PHLPP1: variants seen among roughly 807,000 people sequenced by gnomAD.
The protein encoded by PHLPP1 is PH domain and leucine rich repeat protein phosphatase 1.
In PHLPP1, 42 loss-of-function variants were observed where a neutral mutation model predicts 117.2. The observed-to-expected ratio is 0.36, with a 90% confidence interval of 0.28 to 0.46. The LOEUF (loss-of-function observed/expected upper bound fraction) is 0.46. Among genes scored for constraint, PHLPP1 ranks in the 20% least tolerant of loss-of-function variants. The pLI, the probability that PHLPP1 is intolerant of heterozygous loss-of-function variation, is 1.00. For synonymous variants in PHLPP1, 1,042 were observed against 970.7 expected (o/e 1.07, Z -1.37); for missense variants, 2,084 against 2,241.9 (o/e 0.93, Z 1.42).
Position 62,724,658 on chromosome 18 carries a change from C to G in PHLPP1, c.1576+7399C>G, listed in dbSNP as rs571873132. 3.3e-5 allele frequency among the ~76,000 whole-genome samples: 5 copies of G among 152,200 alleles called. No homozygotes were observed. The East Asian group carries it at 9.7e-4, about 29-fold the overall frequency. On this transcript the variant is annotated intron_variant, in intron 1 of 16. Coordinates refer to ENST00000262719, the MANE Select transcript of PHLPP1 (RefSeq NM_194449.4). ...TCTTTGGTGGTTCTTTATATTAATA[C>G]TATTAAAAATGAAAGTTAAAGAAAT... is the stretch of plus-strand genomic sequence containing the variant.
intron 6 of PHLPP1, 81 bp downstream of exon 6, chr18:62,896,092 A>T: frequency 1.3e-6 from 1 of 791,958 alleles, no homozygotes; most frequent in Non-Finnish European, 2.1e-6. Flanking sequence ...TAACCAAGGC[A>T]AACAAGCTGG....
At chr18:62,886,723 A>C (rs186753697) in intron 4 of PHLPP1, among the ~76,000 whole-genome samples, 8 of 152,356 alleles carry the variant, frequency 5.3e-5, no homozygotes, top group Non-Finnish European at 1.2e-4. Context: ...TGGTATCAGT[A>C]ACTAAAAGCG....
chr18:62,927,437 C>G (rs1159136472), intron 10 of PHLPP1, among the ~76,000 whole-genome samples: 3 of 151,898 alleles, frequency 2.0e-5, no homozygotes, highest in Non-Finnish European at 4.4e-5. Context: ...GACAACATTC[C>G]CAGCAAAATT....
chr18:62,843,244 A>T (rs1368655980), intron 3 of PHLPP1, among the ~76,000 whole-genome samples: 1 of 152,186 alleles, frequency 6.6e-6, no homozygotes, highest in Non-Finnish European at 1.5e-5. Context: ...AAACAAACCA[A>T]CAACAGGAAC....
intron 1 of PHLPP1, among the ~76,000 whole-genome samples, chr18:62,775,721 C>T (rs1172672936): frequency 1.3e-5 from 2 of 152,142 alleles, no homozygotes; most frequent in Non-Finnish European, 2.9e-5. Context: ...ATACAGTAAA[C>T]TGTCATTTGA....
At chr18:62,864,857 C>T (rs2144366196) in intron 4 of PHLPP1, among the ~76,000 whole-genome samples, 1 of 152,248 alleles carries the variant, frequency 6.6e-6, no homozygotes, top group South Asian at 2.1e-4. Flanking sequence ...GTCTAAATTG[C>T]AGGAAAAAAC....
chr18:62,919,634 T>TACAA (rs1178037183), intron 9 of PHLPP1, among the ~76,000 whole-genome samples: 2 of 152,228 alleles, frequency 1.3e-5, no homozygotes, highest in Non-Finnish European at 2.9e-5. Context: ...CAATACAAGA[T>TACAA]ACAAGCCCTA....
chr18:62,854,693 CTTTT>C (rs5825495), intron 3 of PHLPP1, among the ~76,000 whole-genome samples: 5 of 85,014 alleles, frequency 5.9e-5, no homozygotes, highest in Admixed American at 1.2e-4. Context: ...GATCCTGCTA[CTTTT>C]TTTTTTTTTT....
intron 11 of PHLPP1, among the ~76,000 whole-genome samples, chr18:62,943,155 T>TAATC (rs1366854063): frequency 6.6e-6 from 1 of 152,156 alleles, no homozygotes; most frequent in African/African-American, 2.4e-5. Flanking sequence ...GTGCCAGGTG[T>TAATC]AATCACCCAC....
At chr18:62,973,766 C>A (rs532782139) in intron 15 of PHLPP1, among the ~76,000 whole-genome samples, 1 of 152,214 alleles carries the variant, frequency 6.6e-6, no homozygotes, top group South Asian at 2.1e-4. Context: ...TCCAGCAAGC[C>A]CTTAATATGT....
intron 10 of PHLPP1, among the ~76,000 whole-genome samples, chr18:62,934,871 A>G (rs768207742): frequency 3.3e-5 from 5 of 152,218 alleles, no homozygotes; most frequent in South Asian, 4.1e-4. Flanking sequence ...TACCTCAGGT[A>G]TGGAGGGATA....
chr18:62,977,428 C>CAAAAAAA (rs3087160), intron 16 of PHLPP1, among the ~76,000 whole-genome samples: 1 of 74,236 alleles, frequency 1.3e-5, no homozygotes, highest in African/African-American at 5.0e-5. Context: ...GTACACGTGG[C>CAAAAAAA]AAAAAAAAAA....
intron 4 of PHLPP1, among the ~76,000 whole-genome samples, chr18:62,880,564 T>G (rs562790152): frequency 3.3e-5 from 5 of 152,282 alleles, no homozygotes; most frequent in Admixed American, 1.3e-4. Context: ...GCGGTTAATA[T>G]TAAACATCTC....
At chr18:62,878,440 A>C (rs778929480) in intron 4 of PHLPP1, among the ~76,000 whole-genome samples, 1 of 152,188 alleles carries the variant, frequency 6.6e-6, no homozygotes, top group Non-Finnish European at 1.5e-5. Flanking sequence ...CAACACACGC[A>C]TGTCAGTTTT....
chr18:62,831,744 C>T (rs555023206), intron 2 of PHLPP1, among the ~76,000 whole-genome samples: 2 of 152,316 alleles, frequency 1.3e-5, no homozygotes, highest in East Asian at 3.9e-4. Context: ...TTTTGTTGCT[C>T]ACTGCTGTGT....
chr18:62,922,379 C>T (rs672111), intron 10 of PHLPP1, among the ~76,000 whole-genome samples: 83,073 of 152,030 alleles, frequency 0.55, 23,153 homozygotes, highest in Non-Finnish European at 0.61. Flanking sequence ...TCAAGTGATC[C>T]ACCCGCCTTG....
intron 10 of PHLPP1, among the ~76,000 whole-genome samples, chr18:62,931,913 A>G (rs1219098811): frequency 6.6e-6 from 1 of 150,960 alleles, no homozygotes; most frequent in Non-Finnish European, 1.5e-5. Flanking sequence ...CCAAATAAGC[A>G]CAAATTGAAA....
intron 1 of PHLPP1, among the ~76,000 whole-genome samples, chr18:62,779,947 G>C (rs748526818): frequency 2.5e-4 from 38 of 152,138 alleles, no homozygotes; most frequent in Non-Finnish European, 4.9e-4. Context: ...AGTTCTGCCA[G>C]TAGCCAACTG....
chr18:62,975,703 G>T (rs764148117), intron 16 of PHLPP1, 78 bp downstream of exon 16: 17 of 918,154 alleles, frequency 1.9e-5, no homozygotes, highest in Non-Finnish European at 2.4e-5. Context: ...ACTAGCTAGG[G>T]AGCATTTGCC....
Sources: gnomAD v4.1 joint callset for allele counts (sites outside exome capture counted in the v4.1 genomes callset) on GRCh38, gnomAD v4.1.1 for gene constraint, MANE v1.5 for transcripts, NCBI Gene and HGNC (gene_info 2026-07-23, HGNC 2026-07-21) for gene names.